Variants in ADCY1 observed in about 807,000 individuals in gnomAD.
ADCY1 encodes the protein adenylate cyclase type 1.
A neutral mutation model predicts 105.4 loss-of-function variants in ADCY1; 28 were observed. The ratio of observed to expected loss-of-function variants is 0.27; its 90% confidence interval spans 0.20 to 0.36. The LOEUF (loss-of-function observed/expected upper bound fraction) is 0.36, where lower values mean the gene tolerates loss of function less well. ADCY1 is among the 10% of genes least tolerant of loss of function. The pLI, the probability that ADCY1 is intolerant of heterozygous loss-of-function variation, is 1.00. For missense variants in ADCY1, 977 were observed against 1,434.2 expected (o/e 0.68, Z 5.15); for synonymous variants, 655 against 623.8 (o/e 1.05, Z -0.75).
chr7:45,706,069 G>A (rs1221827978), intron 17 of ADCY1, among the ~76,000 whole-genome samples: 2 of 152,178 alleles, frequency 1.3e-5, no homozygotes, highest in Non-Finnish European at 2.9e-5. Context: ...AGTAATTGGG[G>A]AGTCAGTGTT....
intron 2 of ADCY1, among the ~76,000 whole-genome samples, chr7:45,607,345 C>T (rs1320179692): frequency 6.6e-6 from 1 of 152,192 alleles, no homozygotes; most frequent in Non-Finnish European, 1.5e-5. Flanking sequence ...TTGCCTTCAT[C>T]CTCCTAAACC....
Position 45,623,824 on chromosome 7 carries a change from G to A in ADCY1, c.1020+1081G>A, listed in dbSNP as rs544589762. 9.9e-5 allele frequency among the ~76,000 whole-genome samples: 15 copies of A among 152,254 alleles called. No homozygotes were observed. The South Asian group carries it at 2.5e-3, about 25-fold the overall frequency. ...AAGAGGGAAGGGGAGGAGGGAGTCCGGTGTCAGGAGAGCCCAGGATGTGAT... is the reference window on the plus strand; with the variant it reads ...AAGAGGGAAGGGGAGGAGGGAGTCCAGTGTCAGGAGAGCCCAGGATGTGAT... On this transcript the variant is annotated intron_variant, in intron 4 of 19. Coordinates refer to ENST00000297323, the MANE Select transcript of ADCY1 (RefSeq NM_021116.4).
At chr7:45,583,518 C>G (rs906357038) in intron 1 of ADCY1, among the ~76,000 whole-genome samples, 1 of 152,206 alleles carries the variant, frequency 6.6e-6, no homozygotes, top group African/African-American at 2.4e-5. Context: ...TTCCTTCTCC[C>G]AAGTAGACTC....
intron 8 of ADCY1, among the ~76,000 whole-genome samples, chr7:45,665,479 A>C (rs575151569): frequency 6.6e-6 from 1 of 152,368 alleles, no homozygotes; most frequent in African/African-American, 2.4e-5. Context: ...TAATAGGTAC[A>C]CCCAGAAGCC....
At position 45,686,174 on chromosome 7, in the gene ADCY1, C is replaced by T. The variant is rs768523014; in HGVS notation, c.2286C>T (p.Ser762=). ...TCCTGCTCTCCGGGCTCACCACGTC[C>T]TACATCCTCGTTCTGGAGCTCAGCG... ...KMILLSGLTT[S]YILVLELSGY... is the part of the protein sequence containing the mutation. Residue 762 remains serine, a synonymous_variant, in exon 13 of 20, where the codon TCC becomes TCT. Transcript: ENST00000297323. The surrounding 1 kb of genome is among the most constrained non-coding windows in gnomAD (Gnocchi z 4.3). 1.2e-6 allele frequency: 2 copies of T among 1,614,170 alleles called. No homozygotes were observed. The highest frequency in any genetic ancestry group is 2.2e-5 in the South Asian group (2 of 91,080).
rs111263803 is a variant in ADCY1 at position 45,677,462 on chromosome 7, C to T, written c.1606-407C>T. Reference sequence around the variant, plus strand: ...GAGTGAGAGACTGGTGAAGCCACTCCGTTTGCCACCGTTTCTCTCTCTTAG... The same window carrying T: ...GAGTGAGAGACTGGTGAAGCCACTCTGTTTGCCACCGTTTCTCTCTCTTAG... On this transcript the variant is annotated intron_variant, in intron 8 of 19. Coordinates refer to ENST00000297323, the MANE Select transcript of ADCY1 (RefSeq NM_021116.4). Among the ~76,000 whole-genome samples the T allele has an allele frequency of 3.5e-3, 529 of 152,282 alleles. 2 individuals carry two copies. The highest frequency in any genetic ancestry group is 0.012 in the African/African-American group (489 of 41,538).
At chr7:45,653,687 C>T (rs1794868762) in intron 5 of ADCY1, among the ~76,000 whole-genome samples, 1 of 152,182 alleles carries the variant, frequency 6.6e-6, no homozygotes, top group African/African-American at 2.4e-5. Context: ...GAGTCCCTCT[C>T]CCCCACTGGG....
At chr7:45,633,578 C>A (rs866870364) in intron 4 of ADCY1, among the ~76,000 whole-genome samples, 9 of 152,132 alleles carry the variant, frequency 5.9e-5, no homozygotes, top group East Asian at 1.9e-4. Context: ...CCAAGGCGGG[C>A]GGATCACGAG....
intron 3 of ADCY1, among the ~76,000 whole-genome samples, chr7:45,611,066 A>T (rs1793572941): frequency 6.6e-6 from 1 of 150,804 alleles, no homozygotes; most frequent in Non-Finnish European, 1.5e-5. Context: ...TGAGGAGGTG[A>T]TAGTGGAGGT....
At chr7:45,632,720 T>C (rs1055868520) in intron 4 of ADCY1, among the ~76,000 whole-genome samples, 18 of 151,988 alleles carry the variant, frequency 1.2e-4, no homozygotes, top group Non-Finnish European at 2.2e-4. Flanking sequence ...CATGCCACCA[T>C]GCCCAGCTAA....
intron 1 of ADCY1, among the ~76,000 whole-genome samples, chr7:45,583,600 C>G (rs1792626972): frequency 6.6e-6 from 1 of 152,162 alleles, no homozygotes; most frequent in South Asian, 2.1e-4. Flanking sequence ...TGGTGCTTGG[C>G]TGGCCTGGCT....
chr7:45,700,321 G>A (rs1562729918), intron 14 of ADCY1, among the ~76,000 whole-genome samples: 1 of 152,162 alleles, frequency 6.6e-6, no homozygotes, highest in Non-Finnish European at 1.5e-5. Flanking sequence ...TCGTCCCGTC[G>A]GTGGCATGGG....
intron 2 of ADCY1, among the ~76,000 whole-genome samples, chr7:45,595,360 C>G (rs1163907985): frequency 2.0e-5 from 3 of 152,174 alleles, no homozygotes; most frequent in Non-Finnish European, 2.9e-5. Flanking sequence ...TCTGCAGTCC[C>G]TGTCTTTCTC....
At position 45,722,490 on chromosome 7, in the gene ADCY1, AC is replaced by A. The variant is rs1333083693; in HGVS notation, c.*8497del. On this transcript the variant is annotated 3_prime_UTR_variant, in exon 20 of 20. Coordinates refer to ENST00000297323, the MANE Select transcript of ADCY1 (RefSeq NM_021116.4). ...GTAGCTCGTGCACTTATTATGCACC[AC>A]CTCCCTTCAGTCACCACTCCTCTTC... is the stretch of plus-strand genomic sequence containing the variant. 1 of 151,576 alleles carries A rather than the reference AC, an allele frequency of 6.6e-6. No individual in the cohort carries two copies. Among genetic ancestry groups the A allele is most frequent in the East Asian group, 1.9e-4 (1 of 5,142 alleles). The allele number at this position is 151,576 out of a possible 1,614,324, so 9.4% of individuals were successfully genotyped here.
At chr7:45,709,819 G>A (rs1048040632) in intron 18 of ADCY1, among the ~76,000 whole-genome samples, 1 of 152,222 alleles carries the variant, frequency 6.6e-6, no homozygotes, top group Non-Finnish European at 1.5e-5. Context: ...CGGGCCAGGC[G>A]TCACAGCCTG....
chr7:45,676,980 A>G (rs1006773597), intron 8 of ADCY1, among the ~76,000 whole-genome samples: 5 of 147,246 alleles, frequency 3.4e-5, no homozygotes, highest in African/African-American at 1.3e-4. Context: ...GTTGATCTGT[A>G]TCCAGTGGCA....
chr7:45,583,940 T>TTTTTG (rs1303262899), intron 1 of ADCY1, among the ~76,000 whole-genome samples: 5 of 97,842 alleles, frequency 5.1e-5, no homozygotes, highest in African/African-American at 1.0e-4. Context: ...GTGCCCTGTT[T>TTTTTG]TTTTTTTTTT....
At chr7:45,644,541 T>C (rs1172363796) in intron 4 of ADCY1, among the ~76,000 whole-genome samples, 1 of 152,226 alleles carries the variant, frequency 6.6e-6, no homozygotes, top group African/African-American at 2.4e-5. Context: ...GGCTCTGTTA[T>C]ACTGAGAAGC....
At chr7:45,574,362 G>C (rs1792246737), upstream of ADCY1, among the ~76,000 whole-genome samples, 1 of 144,476 alleles carries the variant, frequency 6.9e-6, no homozygotes, top group South Asian at 2.1e-4. This position sits in a 1 kb window ranked among gnomAD's most constrained non-coding sequence, Gnocchi z 7.0. Flanking sequence ...GCGGCGGGCG[G>C]GAGGGGACGC....
Sources: allele counts gnomAD v4.1 joint callset (sites outside exome capture counted in the v4.1 genomes callset), GRCh38; gene constraint gnomAD v4.1.1; non-coding constraint Gnocchi (gnomAD v3.1); transcripts MANE v1.5; gene names NCBI Gene and HGNC (gene_info 2026-07-23, HGNC 2026-07-21).